LRMDA: variants seen among roughly 807,000 people sequenced by gnomAD.
LRMDA encodes leucine rich melanocyte differentiation associated, also known as leucine-rich melanocyte differentiation-associated protein.
Under a neutral mutation model 29.8 loss-of-function variants are expected in LRMDA, and 18 were observed. The ratio of observed to expected loss-of-function variants is 0.60; its 90% CI spans 0.42 to 0.90. The LOEUF is 0.90. Ranked by LOEUF, LRMDA falls within the 40% of genes least tolerant of loss-of-function variation. The pLI, the probability that LRMDA is intolerant of heterozygous loss-of-function variation, is 0.00. For missense variants in LRMDA, 273 were observed against 273.9 expected (o/e 1.00, Z 0.02); for synonymous variants, 125 against 109.4 (o/e 1.14, Z -0.89).
intron 2 of LRMDA, among the ~76,000 whole-genome samples, chr10:75,868,026 A>T (rs762248821): frequency 3.9e-5 from 6 of 152,180 alleles, no homozygotes; most frequent in Non-Finnish European, 7.3e-5. Flanking sequence ...TAAAAATATA[A>T]AAACTATCCT....
chr10:75,932,593 T>C (rs559092438), intron 2 of LRMDA, among the ~76,000 whole-genome samples: 4 of 151,930 alleles, frequency 2.6e-5, no homozygotes, highest in African/African-American at 7.2e-5. Context: ...GCCTGGGCAA[T>C]AGAGTGAGAC....
At chr10:76,106,414 C>A (rs1417282660) in intron 5 of LRMDA, among the ~76,000 whole-genome samples, 2 of 152,166 alleles carry the variant, frequency 1.3e-5, no homozygotes, top group East Asian at 1.9e-4. Context: ...AATGAACTCA[C>A]AAATTATTGG....
intron 2 of LRMDA, among the ~76,000 whole-genome samples, chr10:75,726,660 G>A (rs990725987): frequency 1.3e-5 from 2 of 152,194 alleles, no homozygotes; most frequent in African/African-American, 4.8e-5. Context: ...GAGGTTTCTG[G>A]AGTGTTTGAA....
chr10:75,739,304 G>A (rs1405373542), intron 2 of LRMDA, among the ~76,000 whole-genome samples: 1 of 152,172 alleles, frequency 6.6e-6, no homozygotes, highest in Non-Finnish European at 1.5e-5. Context: ...CCAGAGATTG[G>A]CCTTGGGGTT....
chr10:76,363,140 A>G (rs1841333636), intron 6 of LRMDA, among the ~76,000 whole-genome samples: 2 of 32,834 alleles, frequency 6.1e-5, no homozygotes, highest in South Asian at 1.7e-3. Context: ...AAAGAAAGAA[A>G]GAAAGAAAGA....
intron 6 of LRMDA, among the ~76,000 whole-genome samples, chr10:76,460,340 G>T (rs1258808276): frequency 6.6e-6 from 1 of 152,202 alleles, no homozygotes; most frequent in African/African-American, 2.4e-5. Flanking sequence ...CAGGTAGAGG[G>T]CTCTAAAAAT....
At chr10:75,514,479 G>A (rs1589165699) in intron 2 of LRMDA, among the ~76,000 whole-genome samples, 1 of 151,998 alleles carries the variant, frequency 6.6e-6, no homozygotes, top group Non-Finnish European at 1.5e-5. Flanking sequence ...GATATAGTTT[G>A]GAGATATGTC....
chr10:76,467,915 A>G (rs930924546), intron 6 of LRMDA, among the ~76,000 whole-genome samples: 1 of 152,176 alleles, frequency 6.6e-6, no homozygotes, highest in African/African-American at 2.4e-5. Context: ...GGTGCTGGGT[A>G]TATACTTGCT....
chr10:75,924,366 A>G (rs1846082179), intron 2 of LRMDA, among the ~76,000 whole-genome samples: 1 of 152,226 alleles, frequency 6.6e-6, no homozygotes, highest in South Asian at 2.1e-4. Flanking sequence ...CTGATATCAT[A>G]TTCTCTCATG....
chr10:76,160,856 C>T (rs975112312), intron 5 of LRMDA, among the ~76,000 whole-genome samples: 1 of 152,054 alleles, frequency 6.6e-6, no homozygotes, highest in Non-Finnish European at 1.5e-5. Flanking sequence ...TTATGAAAAG[C>T]AGTCCCCCGT....
At chr10:76,014,009 T>G (rs1847830671) in intron 2 of LRMDA, among the ~76,000 whole-genome samples, 1 of 150,122 alleles carries the variant, frequency 6.7e-6, no homozygotes, top group South Asian at 2.1e-4. Flanking sequence ...CACTGAGAAG[T>G]GATCCACATT....
chr10:76,208,410 TTA>T (rs1851576107), intron 5 of LRMDA, among the ~76,000 whole-genome samples: 2 of 152,172 alleles, frequency 1.3e-5, no homozygotes, highest in Admixed American at 1.3e-4. Flanking sequence ...GGGCAACAGT[TTA>T]TGAGTATTTT....
At chr10:76,459,157 G>A (rs143038761) in intron 6 of LRMDA, among the ~76,000 whole-genome samples, 178 of 152,050 alleles carry the variant, frequency 1.2e-3, no homozygotes, top group African/African-American at 4.1e-3. Flanking sequence ...CTCCACACAC[G>A]GCACCAAATA....
At chr10:76,124,788 C>T (rs1032752394) in intron 5 of LRMDA, among the ~76,000 whole-genome samples, 4 of 152,230 alleles carry the variant, frequency 2.6e-5, no homozygotes, top group Non-Finnish European at 5.9e-5. Flanking sequence ...TCAGTTTCAC[C>T]ATTTGGACAG....
intron 6 of LRMDA, among the ~76,000 whole-genome samples, chr10:76,506,507 CA>C (rs1842960430): frequency 6.6e-6 from 1 of 152,082 alleles, no homozygotes; most frequent in African/African-American, 2.4e-5. Flanking sequence ...ATTTTCTTTT[CA>C]TACATTTTTT....
intron 5 of LRMDA, among the ~76,000 whole-genome samples, chr10:76,227,448 T>C (rs1255714218): frequency 1.3e-5 from 2 of 152,216 alleles, no homozygotes; most frequent in Non-Finnish European, 2.9e-5. Flanking sequence ...CGTGGGGCAT[T>C]GTACCTACCA....
intron 2 of LRMDA, among the ~76,000 whole-genome samples, chr10:75,525,381 A>G (rs917302994): frequency 4.6e-5 from 7 of 152,100 alleles, no homozygotes; most frequent in African/African-American, 1.7e-4. Context: ...GGGTAATGAA[A>G]TTCTGAAGCA....
intron 5 of LRMDA, among the ~76,000 whole-genome samples, chr10:76,230,554 CAAAA>C (rs36026287): frequency 8.7e-6 from 1 of 115,100 alleles, no homozygotes. Flanking sequence ...GTTAAGAGGG[CAAAA>C]AAAAAAAAAA....
At chr10:76,268,535 T>G (rs1589402828) in intron 5 of LRMDA, among the ~76,000 whole-genome samples, 1 of 152,204 alleles carries the variant, frequency 6.6e-6, no homozygotes, top group African/African-American at 2.4e-5. Flanking sequence ...ATGATTTCCT[T>G]TTTAAGGAGG....
Sources: allele counts gnomAD v4.1 joint callset (sites outside exome capture counted in the v4.1 genomes callset), GRCh38; gene constraint gnomAD v4.1.1; transcripts MANE v1.5; gene names NCBI Gene and HGNC (gene_info 2026-07-23, HGNC 2026-07-21).